Variants in SLC35D4 observed in about 807,000 individuals in gnomAD.
SLC35D4 encodes the protein solute carrier family 35 member D4, also known as UDP-N-acetylglucosamine transporter SLC35D4.
chr18:23,320,115 C>T, the SLC35D4 span, among the ~76,000 whole-genome samples: 2 of 152,192 alleles, frequency 1.3e-5, no homozygotes, highest in East Asian at 1.9e-4. Flanking sequence ...ATCTCTCTCT[C>T]CTGTTCTTCT....
the SLC35D4 span, among the ~76,000 whole-genome samples, chr18:23,291,460 G>T: frequency 6.6e-6 from 1 of 152,252 alleles, no homozygotes; most frequent in South Asian, 2.1e-4. Context: ...TTCAGGGACT[G>T]CTGGGCAGGG....
chr18:23,267,199 C>T, the SLC35D4 span, among the ~76,000 whole-genome samples: 2 of 152,166 alleles, frequency 1.3e-5, no homozygotes, highest in East Asian at 3.8e-4. Context: ...CGCGATGTGG[C>T]CTCACCTCAT....
At chr18:23,250,756 G>A in the SLC35D4 span, among the ~76,000 whole-genome samples, 2 of 152,244 alleles carry the variant, frequency 1.3e-5, no homozygotes, top group African/African-American at 2.4e-5. Flanking sequence ...GGGCCAGAAA[G>A]ACTATGTATC....
At chr18:23,252,085 C>CAAA in the SLC35D4 span, among the ~76,000 whole-genome samples, 1 of 72,328 alleles carries the variant, frequency 1.4e-5, no homozygotes. Context: ...GACTCCGTCT[C>CAAA]AAAAAAAAAA....
chr18:23,242,186 G>A, the SLC35D4 span, among the ~76,000 whole-genome samples: 2 of 152,186 alleles, frequency 1.3e-5, no homozygotes, highest in African/African-American at 4.8e-5. Context: ...GCTGAGGCAG[G>A]AGAATCGCTT....
the SLC35D4 span, chr18:23,258,132 A>ATGAG: frequency 6.6e-6 from 1 of 152,382 alleles, no homozygotes. Flanking sequence ...TGAGTGTTGG[A>ATGAG]TGAGTCAGTC....
the SLC35D4 span, among the ~76,000 whole-genome samples, chr18:23,387,643 T>C: frequency 6.6e-6 from 1 of 152,238 alleles, no homozygotes; most frequent in Admixed American, 6.5e-5. Context: ...AAAACTTCTA[T>C]AGCTTTATAT....
the SLC35D4 span, among the ~76,000 whole-genome samples, chr18:23,310,467 C>T: frequency 6.6e-6 from 1 of 152,016 alleles, no homozygotes; most frequent in South Asian, 2.1e-4. Context: ...AACCAGTGGC[C>T]CCGCTCTGTC....
chr18:23,428,684 AT>A, the SLC35D4 span, among the ~76,000 whole-genome samples: 42,786 of 145,640 alleles, frequency 0.29, 6,628 homozygotes, highest in Non-Finnish European at 0.36. Flanking sequence ...TGCCTAGCTA[AT>A]TTTTTTTTTT....
At chr18:23,431,180 TAAAGAA>T in the SLC35D4 span, among the ~76,000 whole-genome samples, 2 of 102,824 alleles carry the variant, frequency 1.9e-5, no homozygotes, top group African/African-American at 7.5e-5. Flanking sequence ...AAAAAAAAAG[TAAAGAA>T]AAAGAAAAGA....
the SLC35D4 span, among the ~76,000 whole-genome samples, chr18:23,314,533 ATACAT>A: frequency 6.6e-6 from 1 of 152,212 alleles, no homozygotes; most frequent in East Asian, 1.9e-4. Flanking sequence ...AGTCTTTCTC[ATACAT>A]TACATTTTGT....
At chr18:23,270,024 AC>A in the SLC35D4 span, among the ~76,000 whole-genome samples, 1 of 152,220 alleles carries the variant, frequency 6.6e-6, no homozygotes, top group Non-Finnish European at 1.5e-5. Flanking sequence ...AATGTTAATC[AC>A]CAAGACAATG....
chr18:23,426,644 C>A, the SLC35D4 span, among the ~76,000 whole-genome samples: 1 of 152,228 alleles, frequency 6.6e-6, no homozygotes, highest in South Asian at 2.1e-4. Flanking sequence ...CAATGACTTT[C>A]TTCACAGAAT....
the SLC35D4 span, chr18:23,257,167 C>A: frequency 6.3e-7 from 1 of 1,585,368 alleles, no homozygotes; most frequent in Admixed American, 1.8e-5. Context: ...GCTGCAATTG[C>A]AGAAAGACTA....
chr18:23,270,971 A>T, the SLC35D4 span, among the ~76,000 whole-genome samples: 1 of 152,202 alleles, frequency 6.6e-6, no homozygotes, highest in Non-Finnish European at 1.5e-5. Flanking sequence ...AAATGTGAGG[A>T]CATGAGATTT....
the SLC35D4 span, among the ~76,000 whole-genome samples, chr18:23,267,599 C>T: frequency 3.3e-5 from 5 of 152,174 alleles, no homozygotes; most frequent in Non-Finnish European, 7.3e-5. Context: ...GCTGCCCACT[C>T]CCTGCACTGT....
At chr18:23,410,069 G>A in the SLC35D4 span, among the ~76,000 whole-genome samples, 1 of 152,296 alleles carries the variant, frequency 6.6e-6, no homozygotes, top group East Asian at 1.9e-4. Flanking sequence ...CTGGTTATGA[G>A]AGGGAACCTA....
At chr18:23,246,648 C>T in the SLC35D4 span, among the ~76,000 whole-genome samples, 1 of 151,690 alleles carries the variant, frequency 6.6e-6, no homozygotes, top group Non-Finnish European at 1.5e-5. Context: ...ACCTTGGCCT[C>T]CCAAAGTGCT....
chr18:23,334,641 A>C, the SLC35D4 span, among the ~76,000 whole-genome samples: 2 of 152,182 alleles, frequency 1.3e-5, no homozygotes, highest in African/African-American at 2.4e-5. Context: ...AAACAAAACA[A>C]CACCAAACAT....
Sources: gnomAD v4.1 joint callset for allele counts (sites outside exome capture counted in the v4.1 genomes callset) on GRCh38, gnomAD v4.1.1 for gene constraint, MANE v1.5 for transcripts, NCBI Gene and HGNC (gene_info 2026-07-23, HGNC 2026-07-21) for gene names.